The following HERC3 variants were observed in gnomAD, a reference collection of about 807,000 sequenced individuals.
HERC3 encodes the protein probable E3 ubiquitin-protein ligase HERC3.
Under a neutral mutation model 129.9 loss-of-function variants are expected in HERC3, and 58 were observed. That is an observed-to-expected ratio of 0.45 (90% confidence interval 0.36 to 0.56). The LOEUF is 0.56. HERC3 is among the 20% of genes least tolerant of loss of function. The pLI is 0.00. For missense variants in HERC3, 835 were observed against 1,244.2 expected (o/e 0.67, Z 4.95); for synonymous variants, 430 against 451.0 (o/e 0.95, Z 0.59).
At chr4:88,643,415 A>G (rs754430097) in intron 3 of HERC3, among the ~76,000 whole-genome samples, 1 of 152,218 alleles carries the variant, frequency 6.6e-6, no homozygotes, top group East Asian at 1.9e-4. Flanking sequence ...TGGGAAGGTA[A>G]AGGATCTAGA....
chr4:88,579,226 A>ATATATATATATATATATATATATAT, the HERC3 span, among the ~76,000 whole-genome samples: 5 of 93,958 alleles, frequency 5.3e-5, no homozygotes, highest in African/African-American at 4.1e-4. Context: ...TACTAAAAAA[A>ATATATATATATATATATATATATAT]AAAAAAATAT....
In HERC3 at chr4:88,707,015, C is replaced by T. The variant is rs1804081; in HGVS notation, c.*55C>T. The T allele has an allele frequency of 2.2e-6, 3 of 1,363,846 alleles. No individual in the cohort carries two copies. The highest frequency in any genetic ancestry group is 3.1e-6 in the Non-Finnish European group (3 of 956,632). 84.5% of individuals were successfully genotyped at this position (1,363,846 alleles called of 1,614,324 possible). A position where few individuals can be genotyped will look rare whatever the true frequency, so the allele number is the denominator to read the frequency against. On this transcript the variant is annotated 3_prime_UTR_variant, in exon 26 of 26. Transcript: ENST00000402738. The stretch of plus-strand genomic sequence containing the variant: ...CGTTCCTCAGTGTCCACATTGAGGC[C>T]TATACAGAAAATCATGGGGAGTGAT...
intron 10 of HERC3, among the ~76,000 whole-genome samples, chr4:88,660,263 G>A (rs1055473821): frequency 6.6e-6 from 1 of 151,620 alleles, no homozygotes; most frequent in Admixed American, 6.6e-5. Flanking sequence ...GTACAATGGC[G>A]TGATCCCGGC....
upstream of HERC3, among the ~76,000 whole-genome samples, chr4:88,590,461 C>T (rs578196486): frequency 1.3e-5 from 2 of 151,650 alleles, no homozygotes; most frequent in South Asian, 4.2e-4. Flanking sequence ...CAGGAGGCTG[C>T]GACAGGAGAC....
At chr4:88,658,362 A>C in intron 9 of HERC3, 53 bp from the exon 10 acceptor site, 1 of 965,536 alleles carries the variant, frequency 1.0e-6, no homozygotes, top group Non-Finnish European at 1.6e-6. Flanking sequence ...AAGGGGATCA[A>C]GGAGAAACTT....
rs57105650 is a variant in HERC3 at position 88,629,318 on chromosome 4, T to TAC, written c.227-20521_227-20520insCA. ...AAACAACATTGGTATTTCTTTGGTT[T>TAC]ATCTTTCCAGTATTTTTCTTAACAG... On this transcript the variant is annotated intron_variant, in intron 3 of 25. Transcript: ENST00000402738. Among the ~76,000 whole-genome samples the TAC allele has an allele frequency of 6.3e-5, 4 of 63,650 alleles. No individual in the cohort carries two copies. The East Asian group carries it at 3.1e-3, about 49-fold the overall frequency. 41.8% of individuals were successfully genotyped at this position (63,650 alleles called of 152,430 possible). A position where few individuals can be genotyped will look rare whatever the true frequency, so the allele number is the denominator to read the frequency against.
At position 88,605,373 on chromosome 4, in the gene HERC3, T is replaced by C. The variant is rs1723513454; in HGVS notation, c.-29-422T>C. ...AAAGGAGTTAATTGGTTCAAAATTTTTTAAAACATTAAATAAGCAGAAAAT... is the reference window on the plus strand; with the variant it reads ...AAAGGAGTTAATTGGTTCAAAATTTCTTAAAACATTAAATAAGCAGAAAAT... On this transcript the variant is annotated intron_variant, in intron 2 of 25. Coordinates refer to ENST00000402738, the MANE Select transcript of HERC3 (RefSeq NM_014606.3). Among the ~76,000 whole-genome samples the C allele has an allele frequency of 3.3e-5, 5 of 152,254 alleles. No homozygotes were observed. The South Asian group carries it at 6.2e-4, about 19-fold the overall frequency.
chr4:88,679,330 A>T (rs1732502241), intron 19 of HERC3, among the ~76,000 whole-genome samples: 1 of 152,160 alleles, frequency 6.6e-6, no homozygotes, highest in South Asian at 2.1e-4. Flanking sequence ...TTCTACATGC[A>T]GCAGTTACTT....
At chr4:88,541,814 A>G in the HERC3 span, among the ~76,000 whole-genome samples, 1 of 152,220 alleles carries the variant, frequency 6.6e-6, no homozygotes, top group Non-Finnish European at 1.5e-5. Context: ...GCACAACTAC[A>G]TGGAAACTGA....
chr4:88,609,175 T>C (rs952047974), intron 3 of HERC3, among the ~76,000 whole-genome samples: 2 of 151,060 alleles, frequency 1.3e-5, no homozygotes, highest in African/African-American at 4.9e-5. Flanking sequence ...TCCTGCTACT[T>C]GGGAGGTTGA....
At chr4:88,595,918 G>C (rs901147063) in intron 2 of HERC3, among the ~76,000 whole-genome samples, 45 of 144,036 alleles carry the variant, frequency 3.1e-4, no homozygotes, top group South Asian at 6.6e-4. Flanking sequence ...GCGGGATCTC[G>C]GCTCACTGCA....
At chr4:88,627,520 A>G (rs940478666) in intron 3 of HERC3, among the ~76,000 whole-genome samples, 9 of 152,172 alleles carry the variant, frequency 5.9e-5, no homozygotes, top group South Asian at 2.1e-4. Context: ...TTGAGCATCT[A>G]TGGATTTTGG....
the HERC3 span, among the ~76,000 whole-genome samples, chr4:88,587,406 G>T: frequency 5.9e-4 from 90 of 152,320 alleles, no homozygotes; most frequent in African/African-American, 1.9e-3. Flanking sequence ...AATGCACCAT[G>T]CTTTGTAACA....
intron 16 of HERC3, among the ~76,000 whole-genome samples, chr4:88,671,562 C>T (rs908545259): frequency 6.6e-6 from 1 of 152,130 alleles, no homozygotes; most frequent in African/African-American, 2.4e-5. Flanking sequence ...CTGGCTCTAT[C>T]ACCCAGGCTG....
chr4:88,693,482 G>A, intron 23 of HERC3: 1 of 972,442 alleles, frequency 1.0e-6, no homozygotes, highest in South Asian at 4.8e-5. Context: ...ACTTTACATA[G>A]TCTACACAGT....
At chr4:88,685,930 T>A (rs1174767073) in intron 21 of HERC3, among the ~76,000 whole-genome samples, 4 of 152,174 alleles carry the variant, frequency 2.6e-5, no homozygotes, top group African/African-American at 9.7e-5. Flanking sequence ...CTGGTTAACA[T>A]TAGGAAGAAG....
chr4:88,564,470 A>G, the HERC3 span, among the ~76,000 whole-genome samples: 1 of 152,250 alleles, frequency 6.6e-6, no homozygotes, highest in East Asian at 1.9e-4. Context: ...TTATTGGTCT[A>G]TTCACGTTTT....
chr4:88,539,021 T>G, the HERC3 span, among the ~76,000 whole-genome samples: 1 of 152,184 alleles, frequency 6.6e-6, no homozygotes, highest in African/African-American at 2.4e-5. Flanking sequence ...AGACAGGTGA[T>G]TTCTGCATTT....
the HERC3 span, chr4:88,523,890 G>A: frequency 5.3e-5 from 30 of 567,770 alleles, no homozygotes; most frequent in Admixed American, 5.4e-4. Context: ...TCCCACGGGC[G>A]TCATCTATAG....
Sources: allele counts gnomAD v4.1 joint callset (sites outside exome capture counted in the v4.1 genomes callset), GRCh38; gene constraint gnomAD v4.1.1; transcripts MANE v1.5; gene names NCBI Gene and HGNC (gene_info 2026-07-23, HGNC 2026-07-21).